Variants in SLC8A1 observed in about 807,000 individuals in gnomAD.
The protein encoded by SLC8A1 is sodium/calcium exchanger 1.
Under a neutral mutation model 68.3 loss-of-function variants are expected in SLC8A1, and 18 were observed. The ratio of observed to expected loss-of-function variants is 0.26; its 90% confidence interval spans 0.18 to 0.39. The LOEUF (loss-of-function observed/expected upper bound fraction) is 0.39, where lower values mean the gene tolerates loss of function less well. SLC8A1 is among the 10% of genes least tolerant of loss of function. SLC8A1 has a pLI of 1.00. For synonymous variants in SLC8A1, 475 were observed against 415.5 expected (o/e 1.14, Z -1.74); for missense variants, 985 against 1,156.7 (o/e 0.85, Z 2.15).
intron 2 of SLC8A1, among the ~76,000 whole-genome samples, chr2:40,368,084 T>C (rs144234161): frequency 3.3e-5 from 5 of 152,216 alleles, no homozygotes; most frequent in African/African-American, 1.2e-4. Flanking sequence ...TTGTGATCTG[T>C]AGCTCTGATT....
intron 2 of SLC8A1, among the ~76,000 whole-genome samples, chr2:40,376,247 C>G (rs1046274900): frequency 1.3e-5 from 2 of 152,092 alleles, no homozygotes; most frequent in Non-Finnish European, 2.9e-5. Context: ...GTACAATTTA[C>G]ATTGTACCTC....
Position 40,430,425 on chromosome 2 carries a change from C to G in SLC8A1, c.-24-121G>C, listed in dbSNP as rs530866249. ...CCAAAATTTGTTTATATTTGACCATCACAAAACCGAAATTTGTTTATATTT... is the reference window on the plus strand; with the variant it reads ...CCAAAATTTGTTTATATTTGACCATGACAAAACCGAAATTTGTTTATATTT... On this transcript the variant is annotated intron_variant, in intron 1 of 7. Transcript: ENST00000406785. 96 of 1,006,078 alleles carry G rather than the reference C, an allele frequency of 9.5e-5. No individual in the cohort carries two copies. In the African/African-American group the frequency reaches 1.3e-3, roughly 14 times the overall value. 62.3% of individuals were successfully genotyped at this position (1,006,078 alleles called of 1,614,324 possible). A position where few individuals can be genotyped will look rare whatever the true frequency, so the allele number is the denominator to read the frequency against.
In SLC8A1 at chr2:40,234,346, A is replaced by C. The variant is rs1378323408; in HGVS notation, c.1809-56491T>G. Among the ~76,000 whole-genome samples the C allele has an allele frequency of 2.6e-5, 4 of 151,766 alleles. 1 individual carries two copies. In the East Asian group the frequency reaches 7.8e-4, roughly 29 times the overall value. ...TGTAAGTTGGATTCCTAGGTATTTT[A>C]TTCTCTTTGAAGCAATTGTGAATGG... On this transcript the variant is annotated intron_variant, in intron 2 of 7. Coordinates refer to ENST00000406785, the Ensembl canonical transcript of SLC8A1.
chr2:40,326,157 CATT>C (rs539920807), intron 2 of SLC8A1, among the ~76,000 whole-genome samples: 1 of 152,272 alleles, frequency 6.6e-6, no homozygotes, highest in Admixed American at 6.5e-5. Flanking sequence ...AGGACTCACT[CATT>C]TGCACCAGCC....
intron 1 of SLC8A1, among the ~76,000 whole-genome samples, chr2:40,510,771 T>C (rs1432748149): frequency 6.6e-6 from 1 of 152,172 alleles, no homozygotes; most frequent in Non-Finnish European, 1.5e-5. Flanking sequence ...TTTAGAAATA[T>C]AGAAATATGT....
chr2:40,377,675 C>A (rs566430352), intron 2 of SLC8A1, among the ~76,000 whole-genome samples: 4 of 152,074 alleles, frequency 2.6e-5, no homozygotes, highest in Admixed American at 6.6e-5. Context: ...GTCCACATAC[C>A]TGGTCTTAGT....
intron 2 of SLC8A1, among the ~76,000 whole-genome samples, chr2:40,331,912 A>C (rs1397762854): frequency 6.6e-6 from 1 of 151,694 alleles, no homozygotes; most frequent in African/African-American, 2.4e-5. Flanking sequence ...TTTTCTAAAT[A>C]TTTTCGTCTA....
chr2:40,180,731 T>G (rs2049355925), intron 2 of SLC8A1, among the ~76,000 whole-genome samples: 1 of 152,162 alleles, frequency 6.6e-6, no homozygotes, highest in Admixed American at 6.5e-5. Flanking sequence ...CATCTTGTAT[T>G]TGCAACCCAC....
chr2:40,380,893 G>A (rs192008803), intron 2 of SLC8A1, among the ~76,000 whole-genome samples: 2 of 152,110 alleles, frequency 1.3e-5, no homozygotes, highest in East Asian at 1.9e-4. Flanking sequence ...CCTGCGTATG[G>A]GATCCAAAGT....
chr2:40,169,676 C>A (rs2047120237), intron 4 of SLC8A1, among the ~76,000 whole-genome samples: 2 of 152,174 alleles, frequency 1.3e-5, no homozygotes, highest in Non-Finnish European at 2.9e-5. Flanking sequence ...CACCATGACT[C>A]ATTCTGGTAA....
intron 2 of SLC8A1, among the ~76,000 whole-genome samples, chr2:40,361,167 C>A (rs1282698270): frequency 6.6e-6 from 1 of 152,054 alleles, no homozygotes; most frequent in Non-Finnish European, 1.5e-5. Context: ...ATTCAAGAGA[C>A]CCTTGTTCAT....
At chr2:40,461,745 C>A (rs1243499603) in intron 1 of SLC8A1, among the ~76,000 whole-genome samples, 1 of 152,010 alleles carries the variant, frequency 6.6e-6, no homozygotes, top group Admixed American at 6.6e-5. Context: ...TTCAGAAGAA[C>A]ATTGTTTTGT....
chr2:40,342,987 C>G (rs1211376631), intron 2 of SLC8A1, among the ~76,000 whole-genome samples: 2 of 152,046 alleles, frequency 1.3e-5, no homozygotes, highest in Non-Finnish European at 2.9e-5. Flanking sequence ...CAGTCATAAT[C>G]TGAAATTGTT....
intron 2 of SLC8A1, among the ~76,000 whole-genome samples, chr2:40,229,412 TA>T (rs34345192): frequency 0.076 from 11,522 of 152,052 alleles, 632 homozygotes; most frequent in Admixed American, 0.16. Flanking sequence ...AGAAAACACT[TA>T]AAAAAAATCT....
intron 2 of SLC8A1, among the ~76,000 whole-genome samples, chr2:40,260,516 A>G (rs1222496829): frequency 3.9e-5 from 6 of 152,192 alleles, no homozygotes; most frequent in Non-Finnish European, 7.4e-5. Flanking sequence ...ACTTTGTTTT[A>G]TAAGTCTTCC....
At chr2:40,127,944 G>T (rs2038499163) in intron 7 of SLC8A1, among the ~76,000 whole-genome samples, 1 of 152,176 alleles carries the variant, frequency 6.6e-6, no homozygotes. Context: ...TCATGTGCTA[G>T]AAAAGATGGG....
intron 2 of SLC8A1, among the ~76,000 whole-genome samples, chr2:40,183,494 C>G (rs1014729148): frequency 2.0e-5 from 3 of 152,322 alleles, no homozygotes. Context: ...CATGCAATGG[C>G]TCACCAACTC....
intron 5 of SLC8A1, 43 bp downstream of exon 8, chr2:40,164,811 C>T (rs2046277040): frequency 1.2e-6 from 2 of 1,609,500 alleles, no homozygotes; most frequent in Non-Finnish European, 1.7e-6. Flanking sequence ...GTTTCTGTCC[C>T]AAGGTGAGAC....
intron 2 of SLC8A1, among the ~76,000 whole-genome samples, chr2:40,201,577 T>G (rs952313804): frequency 2.6e-5 from 4 of 151,988 alleles, no homozygotes; most frequent in Non-Finnish European, 4.4e-5. Flanking sequence ...GGTATTTTAC[T>G]AAGCTTTGCC....
Sources: gnomAD v4.1 joint callset for allele counts (sites outside exome capture counted in the v4.1 genomes callset) on GRCh38, gnomAD v4.1.1 for gene constraint, MANE v1.5 for transcripts, NCBI Gene and HGNC (gene_info 2026-07-23, HGNC 2026-07-21) for gene names.